Variants in SLIT3 observed in about 807,000 individuals in gnomAD.
SLIT3 encodes the protein slit guidance ligand 3, also known as slit homolog 3 protein.
A neutral mutation model predicts 184.0 loss-of-function variants in SLIT3; 68 were observed. The observed-to-expected ratio is 0.37, with a 90% CI of 0.30 to 0.45. The LOEUF (loss-of-function observed/expected upper bound fraction) is 0.45. Ranked by LOEUF, SLIT3 falls within the 20% of genes least tolerant of loss-of-function variation. The probability of loss-of-function intolerance (pLI) is 1.00; values close to 1 mark genes in which losing one functional copy is unlikely to be tolerated. For synonymous variants in SLIT3, 831 were observed against 828.6 expected (o/e 1.00, Z -0.05); for missense variants, 1,707 against 2,026.0 (o/e 0.84, Z 3.02).
intron 4 of SLIT3, among the ~76,000 whole-genome samples, chr5:169,166,261 C>T (rs1051052849): frequency 2.0e-5 from 3 of 152,150 alleles, no homozygotes; most frequent in Non-Finnish European, 4.4e-5. Flanking sequence ...GCTAGAGAAT[C>T]GTTTGCTGAC....
chr5:169,113,233 C>A (rs1760476418), intron 4 of SLIT3, among the ~76,000 whole-genome samples: 2 of 152,126 alleles, frequency 1.3e-5, no homozygotes, highest in Non-Finnish European at 2.9e-5. Flanking sequence ...TTGCCCTTCC[C>A]TACCTTCCCC....
intron 4 of SLIT3, among the ~76,000 whole-genome samples, chr5:169,034,363 T>G (rs1443748204): frequency 6.6e-6 from 1 of 152,210 alleles, no homozygotes; most frequent in Non-Finnish European, 1.5e-5. Context: ...TGTTCTCTTC[T>G]AGGAGTTTTA....
intron 3 of SLIT3, among the ~76,000 whole-genome samples, chr5:169,239,450 C>T (rs1161651329): frequency 2.0e-5 from 3 of 151,972 alleles, no homozygotes; most frequent in Admixed American, 1.3e-4. Flanking sequence ...CCATCTGAGC[C>T]TAGATTTTTT....
chr5:168,753,838 GCCCAGGCCCCAC>G lies in SLIT3; in HGVS notation c.1829+14_1829+25del, dbSNP rs1005955344. 1.2e-5 allele frequency: 19 copies of G among 1,604,946 alleles called. No homozygotes were observed. Among genetic ancestry groups the G allele is most frequent in the Non-Finnish European group, 1.4e-5 (17 of 1,177,438 alleles). ...CCCTCCCGTCTCCCTCTGGGTCTTG[GCCCAGGCCCCAC>G]CCCAGGCACTCACAAGGTTTTGAGG... On this transcript the variant is annotated intron_variant, in intron 17 of 35. Transcript: ENST00000519560.
At chr5:168,705,628 C>T (rs1180546879) in intron 26 of SLIT3, among the ~76,000 whole-genome samples, 1 of 152,206 alleles carries the variant, frequency 6.6e-6, no homozygotes, top group Non-Finnish European at 1.5e-5. Context: ...AGATCAAAAT[C>T]TCTGTTCACA....
chr5:168,743,708 T>C (rs1387462272), intron 20 of SLIT3, among the ~76,000 whole-genome samples: 1 of 152,238 alleles, frequency 6.6e-6, no homozygotes, highest in Non-Finnish European at 1.5e-5. Context: ...GGATCAAAGC[T>C]AGGCCTCTTG....
intron 4 of SLIT3, among the ~76,000 whole-genome samples, chr5:169,185,264 A>T (rs1247584739): frequency 6.6e-6 from 1 of 152,216 alleles, no homozygotes. Context: ...GAGAAAAATC[A>T]GGAAATCGGG....
At chr5:169,104,652 C>T (rs751231521) in intron 4 of SLIT3, among the ~76,000 whole-genome samples, 22 of 152,144 alleles carry the variant, frequency 1.4e-4, no homozygotes, top group Non-Finnish European at 2.9e-4. Flanking sequence ...TTCTCCTGGT[C>T]ATGAGCTTTG....
intron 4 of SLIT3, among the ~76,000 whole-genome samples, chr5:169,186,078 C>T (rs297885): frequency 0.65 from 99,137 of 152,072 alleles, 33,769 homozygotes; most frequent in East Asian, 0.83. Flanking sequence ...TCACCACACA[C>T]ATTTGGGAAC....
chr5:168,756,377 G>A (rs1482483163), intron 16 of SLIT3, among the ~76,000 whole-genome samples: 1 of 152,224 alleles, frequency 6.6e-6, no homozygotes, highest in African/African-American at 2.4e-5. Context: ...GAGGGACCAG[G>A]CCCCCAGGGT....
chr5:168,753,114 T>C lies in SLIT3; in HGVS notation c.1830-16A>G, dbSNP rs1754773799. On this transcript the variant is annotated splice_polypyrimidine_tract_variant and intron_variant, in intron 17 of 35. Transcript: ENST00000519560. ...CCTCAGCATCCTACAGGGAGAGGGG[T>C]GGGGATGAGAGAGCACAGGCATGAT... 6.2e-7 allele frequency: 1 copy of C among 1,612,878 alleles called. No individual in the cohort carries two copies. Among genetic ancestry groups the C allele is most frequent in the Admixed American group, 1.7e-5 (1 of 59,886 alleles).
intron 4 of SLIT3, among the ~76,000 whole-genome samples, chr5:168,911,319 C>T (rs1326534254): frequency 6.6e-6 from 1 of 152,136 alleles, no homozygotes; most frequent in African/African-American, 2.4e-5. Flanking sequence ...TTCACCCCAC[C>T]CCACCCGACC....
intron 14 of SLIT3, among the ~76,000 whole-genome samples, chr5:168,764,813 G>C (rs1755280946): frequency 6.6e-6 from 1 of 152,150 alleles, no homozygotes; most frequent in Non-Finnish European, 1.5e-5. Flanking sequence ...TATTCGAGTG[G>C]CTTCCTGGTT....
chr5:169,060,510 C>T (rs984480179), intron 4 of SLIT3, among the ~76,000 whole-genome samples: 8 of 152,196 alleles, frequency 5.3e-5, no homozygotes, highest in Non-Finnish European at 1.0e-4. Flanking sequence ...ACTCAGGTAA[C>T]CTGCACAGCA....
intron 4 of SLIT3, among the ~76,000 whole-genome samples, chr5:168,935,086 C>T (rs559264798): frequency 4.9e-4 from 71 of 146,000 alleles, no homozygotes; most frequent in East Asian, 1.6e-3. Flanking sequence ...TGTAGGGAGC[C>T]GACATCGCAC....
rs1762662929 is a variant in SLIT3, at chr5:169,167,099, G to A, written c.413+26380C>T. Among the ~76,000 whole-genome samples the A allele has an allele frequency of 2.0e-5, 3 of 151,906 alleles. No individual in the cohort carries two copies. The South Asian group carries it at 6.2e-4, about 32-fold the overall frequency. The stretch of plus-strand genomic sequence containing the variant: ...GTGGGAGGATTGCTTGAACCCAGGA[G>A]TTCAAGGCTGCAGTGAGCTATGGTT... On this transcript the variant is annotated intron_variant, in intron 4 of 35. Transcript: ENST00000519560.
chr5:168,918,163 T>C (rs535208730), intron 4 of SLIT3, among the ~76,000 whole-genome samples: 10 of 152,156 alleles, frequency 6.6e-5, no homozygotes, highest in African/African-American at 1.9e-4. Context: ...TAAACAGCAA[T>C]GCCAAATCTA....
intron 1 of SLIT3, among the ~76,000 whole-genome samples, chr5:169,268,311 C>T (rs905753349): frequency 5.3e-5 from 8 of 152,130 alleles, no homozygotes; most frequent in African/African-American, 9.7e-5. Flanking sequence ...GGGAATTTGC[C>T]GAGTGACACG....
At chr5:169,286,904 G>A (rs906516074) in intron 1 of SLIT3, among the ~76,000 whole-genome samples, 12 of 152,144 alleles carry the variant, frequency 7.9e-5, no homozygotes, top group African/African-American at 1.9e-4. Flanking sequence ...TTTTAAAGAC[G>A]GGAAGAGAGC....
Sources: allele counts gnomAD v4.1 joint callset (sites outside exome capture counted in the v4.1 genomes callset), GRCh38; gene constraint gnomAD v4.1.1; transcripts MANE v1.5; gene names NCBI Gene and HGNC (gene_info 2026-07-23, HGNC 2026-07-21).